The following TANC2 variants were observed in gnomAD, a reference collection of about 807,000 sequenced individuals.
TANC2 encodes the protein tetratricopeptide repeat, ankyrin repeat and coiled-coil containing 2.
A neutral mutation model predicts 210.5 loss-of-function variants in TANC2; 26 were observed. The observed-to-expected ratio is 0.12, with a 90% confidence interval of 0.09 to 0.17. The LOEUF (loss-of-function observed/expected upper bound fraction) is 0.17. TANC2 is among the 10% of genes least tolerant of loss of function. TANC2 has a pLI of 1.00. For missense variants in TANC2, 2,129 were observed against 2,608.9 expected (o/e 0.82, Z 4.01); for synonymous variants, 931 against 967.1 (o/e 0.96, Z 0.69).
intron 1 of TANC2, among the ~76,000 whole-genome samples, chr17:63,002,690 T>C (rs2033442005): frequency 6.6e-6 from 1 of 152,194 alleles, no homozygotes; most frequent in South Asian, 2.1e-4. Flanking sequence ...ATTATTCTGA[T>C]TTTTTTGGCA....
At chr17:63,225,361 G>A (rs1242871487) in intron 7 of TANC2, among the ~76,000 whole-genome samples, 1 of 151,982 alleles carries the variant, frequency 6.6e-6, no homozygotes. Context: ...TTGCCTAATT[G>A]TGTTTCAACG....
chr17:63,352,221 C>T (rs185081564), intron 13 of TANC2, among the ~76,000 whole-genome samples: 146 of 152,190 alleles, frequency 9.6e-4, no homozygotes, highest in Admixed American at 4.1e-3. Flanking sequence ...ATGCTTATCT[C>T]ACTATTTGGA....
At chr17:62,972,812 T>C (rs1017420293) in intron 1 of TANC2, among the ~76,000 whole-genome samples, 1 of 152,234 alleles carries the variant, frequency 6.6e-6, no homozygotes, top group Admixed American at 6.5e-5. Context: ...CTTCAGTATG[T>C]AGTATTCTCC....
chr17:63,395,416 A>G (rs971257626), intron 17 of TANC2, among the ~76,000 whole-genome samples: 4 of 152,238 alleles, frequency 2.6e-5, no homozygotes, highest in Non-Finnish European at 5.9e-5. Flanking sequence ...TTGGTCTAAA[A>G]TGAACTATTT....
intron 8 of TANC2, among the ~76,000 whole-genome samples, chr17:63,238,439 A>G (rs2042682678): frequency 6.6e-6 from 1 of 152,202 alleles, no homozygotes; most frequent in South Asian, 2.1e-4. Flanking sequence ...TCTTAGTTTT[A>G]AAAAACATTA....
At chr17:63,426,100 C>CT (rs961401170) in exon 28 of TANC2, 4 of 152,406 alleles carry the variant, frequency 2.6e-5, no homozygotes, top group African/African-American at 9.7e-5. Flanking sequence ...CTCGCACACC[C>CT]TGCCTGTCTG....
chr17:63,400,663 A>T (rs1195678410), intron 19 of TANC2, among the ~76,000 whole-genome samples: 2 of 151,288 alleles, frequency 1.3e-5, no homozygotes, highest in Admixed American at 6.6e-5. Flanking sequence ...TTTTTTTTTG[A>T]GACGGAGTCT....
At chr17:63,359,006 G>GTGTGTA (rs977399235) in intron 14 of TANC2, among the ~76,000 whole-genome samples, 2 of 151,276 alleles carry the variant, frequency 1.3e-5, no homozygotes, top group Admixed American at 6.6e-5. Context: ...GTGTGTGTGT[G>GTGTGTA]TAAGATTTTG....
At chr17:63,009,320 G>T (rs1289536099) in intron 1 of TANC2, among the ~76,000 whole-genome samples, 1 of 151,364 alleles carries the variant, frequency 6.6e-6, no homozygotes, top group African/African-American at 2.4e-5. Context: ...ATATTTATGG[G>T]GTACATGAGA....
intron 7 of TANC2, among the ~76,000 whole-genome samples, chr17:63,227,364 C>T (rs766068567): frequency 9.9e-5 from 15 of 152,174 alleles, no homozygotes; most frequent in Non-Finnish European, 2.1e-4. Context: ...TGATGTTGAG[C>T]TTTTTTCATA....
intron 7 of TANC2, among the ~76,000 whole-genome samples, chr17:63,214,218 C>CCAGGGACAGAGGAGACAGACTGTA (rs1176508674): frequency 6.6e-6 from 1 of 152,244 alleles, no homozygotes; most frequent in Non-Finnish European, 1.5e-5. Flanking sequence ...ATAGAGAAGT[C>CCAGGGACAGAGGAGACAGACTGTA]CAGGGACAGA....
chr17:63,118,022 TAA>T (rs985713786), intron 4 of TANC2, among the ~76,000 whole-genome samples: 1 of 152,334 alleles, frequency 6.6e-6, no homozygotes, highest in South Asian at 2.1e-4. Context: ...AGAAGCCTGT[TAA>T]AAACTCAATT....
intron 21 of TANC2, among the ~76,000 whole-genome samples, chr17:63,410,860 CAAAAAAAAAAAAAAAAAA>C (rs34268418): frequency 7.7e-5 from 3 of 38,994 alleles, no homozygotes; most frequent in African/African-American, 9.5e-5. Flanking sequence ...GACTCCATCT[CAAAAAAAAAAAAAAAAAA>C]AAAAAAAAAA....
At chr17:63,358,529 C>CT (rs2146932496) in intron 14 of TANC2, among the ~76,000 whole-genome samples, 1 of 152,228 alleles carries the variant, frequency 6.6e-6, no homozygotes, top group Admixed American at 6.5e-5. Context: ...CCACCTCATT[C>CT]TGCTCTCTGT....
intron 9 of TANC2, among the ~76,000 whole-genome samples, chr17:63,301,932 T>C (rs1442227881): frequency 6.6e-6 from 1 of 152,248 alleles, no homozygotes; most frequent in African/African-American, 2.4e-5. Flanking sequence ...TAAATTTCCC[T>C]CTTAACACTG....
intron 19 of TANC2, 79 bp from the exon 20 acceptor site, chr17:63,405,043 C>T: frequency 1.4e-6 from 2 of 1,381,248 alleles, no homozygotes; most frequent in Admixed American, 2.5e-5. Context: ...TAATGAAACA[C>T]AAGGATATGT....
At chr17:63,240,229 G>A (rs1438627734) in intron 8 of TANC2, among the ~76,000 whole-genome samples, 1 of 152,172 alleles carries the variant, frequency 6.6e-6, no homozygotes, top group East Asian at 1.9e-4. Context: ...AAGCTACAAT[G>A]ATTTCTAAGA....
chr17:63,236,551 A>C (rs978243756), intron 7 of TANC2, among the ~76,000 whole-genome samples: 4 of 152,144 alleles, frequency 2.6e-5, no homozygotes, highest in African/African-American at 9.6e-5. Flanking sequence ...TGTTACATGC[A>C]TAAATTGCGT....
At chr17:63,078,496 A>C (rs1024012092) in intron 3 of TANC2, among the ~76,000 whole-genome samples, 1 of 152,060 alleles carries the variant, frequency 6.6e-6, no homozygotes, top group African/African-American at 2.4e-5. Context: ...TTAAGGTAGA[A>C]TCTGGGGTCA....
Sources: allele counts gnomAD v4.1 joint callset (sites outside exome capture counted in the v4.1 genomes callset), GRCh38; gene constraint gnomAD v4.1.1; transcripts MANE v1.5; gene names NCBI Gene and HGNC (gene_info 2026-07-23, HGNC 2026-07-21).